The following WDR7 variants were observed in gnomAD, a reference collection of about 807,000 sequenced individuals.
WDR7 encodes the protein WD repeat-containing protein 7.
A neutral mutation model predicts 169.4 loss-of-function variants in WDR7; 46 were observed. The ratio of observed to expected loss-of-function variants is 0.27; its 90% confidence interval spans 0.21 to 0.35. WDR7 has a LOEUF of 0.35. Ranked by LOEUF, WDR7 falls within the 10% of genes least tolerant of loss-of-function variation. The probability of loss-of-function intolerance (pLI) is 1.00; values close to 1 mark genes in which losing one functional copy is unlikely to be tolerated. For missense variants in WDR7, 1,534 were observed against 1,859.3 expected (o/e 0.83, Z 3.22); for synonymous variants, 612 against 666.8 (o/e 0.92, Z 1.27).
chr18:56,872,005 G>T (rs2045959627), intron 20 of WDR7, among the ~76,000 whole-genome samples: 1 of 152,062 alleles, frequency 6.6e-6, no homozygotes, highest in Non-Finnish European at 1.5e-5. Flanking sequence ...AGTTCTGAAA[G>T]TATTCTCGGA....
intron 26 of WDR7, among the ~76,000 whole-genome samples, chr18:56,989,893 C>T (rs1483158888): frequency 6.6e-6 from 1 of 152,136 alleles, no homozygotes; most frequent in East Asian, 1.9e-4. Flanking sequence ...ATTCTTAAAA[C>T]AGTCTTTGGA....
In WDR7 at chr18:56,820,967, G is replaced by T. The variant is rs2045085037; in HGVS notation, c.3304+4823G>T. 2.0e-5 allele frequency among the ~76,000 whole-genome samples: 3 copies of T among 152,170 alleles called. No individual in the cohort carries two copies. The South Asian group carries it at 6.2e-4, about 32-fold the overall frequency. On this transcript the variant is annotated intron_variant, in intron 20 of 27. Coordinates refer to ENST00000254442, the MANE Select transcript of WDR7 (RefSeq NM_015285.3). ...AAAGTCTATATAACTGAATGAAAAT[G>T]AAAAGATGTAGTAATGATGAAAAGT...
chr18:57,005,283 T>C (rs972021310), intron 26 of WDR7, among the ~76,000 whole-genome samples: 1 of 152,146 alleles, frequency 6.6e-6, no homozygotes, highest in African/African-American at 2.4e-5. Context: ...ATAATCTTCC[T>C]TTTTTAAAAA....
chr18:56,731,074 C>G (rs1472549306), intron 13 of WDR7, among the ~76,000 whole-genome samples: 1 of 151,990 alleles, frequency 6.6e-6, no homozygotes, highest in Non-Finnish European at 1.5e-5. Context: ...TGCGATGGGA[C>G]AGGAGTAGTC....
At chr18:56,998,906 T>A (rs538072291) in intron 26 of WDR7, among the ~76,000 whole-genome samples, 1 of 152,304 alleles carries the variant, frequency 6.6e-6, no homozygotes, top group Admixed American at 6.5e-5. Context: ...TTATTCTTGA[T>A]TGTCCCAAGT....
chr18:56,937,583 G>C (rs1046703478), intron 23 of WDR7, among the ~76,000 whole-genome samples: 2 of 152,056 alleles, frequency 1.3e-5, no homozygotes, highest in Non-Finnish European at 2.9e-5. Context: ...GAACTATAAA[G>C]CTTACGATTG....
intron 20 of WDR7, among the ~76,000 whole-genome samples, chr18:56,877,294 A>C (rs563247271): frequency 1.1e-4 from 16 of 152,276 alleles, no homozygotes; most frequent in African/African-American, 3.8e-4. Context: ...GTCAAACTAA[A>C]TAAGGAGCTA....
chr18:56,889,236 G>A (rs762148725), intron 21 of WDR7, among the ~76,000 whole-genome samples: 14 of 152,156 alleles, frequency 9.2e-5, no homozygotes, highest in Admixed American at 4.6e-4. Context: ...ACTAAATTAC[G>A]TGTGTCCCAG....
chr18:56,712,725 C>T (rs117000653), intron 12 of WDR7, among the ~76,000 whole-genome samples: 2,188 of 152,240 alleles, frequency 0.014, 22 homozygotes, highest in Non-Finnish European at 0.025. Flanking sequence ...AGTTCTGTTC[C>T]ATAACAATAC....
chr18:57,029,358 C>T lies in WDR7; in HGVS notation c.*2151C>T, dbSNP rs767769247. 4 of 152,132 alleles carry T rather than the reference C, an allele frequency of 2.6e-5. No individual in the cohort carries two copies. The highest frequency in any genetic ancestry group is 5.9e-5 in the Non-Finnish European group (4 of 68,034). 9.4% of individuals were successfully genotyped at this position (152,132 alleles called of 1,614,324 possible). ...TATGGCTGCAAAACCCTGGGGTGGACGATGTTTGATGATTAGACGGTCATC... is the reference window on the plus strand; with the variant it reads ...TATGGCTGCAAAACCCTGGGGTGGATGATGTTTGATGATTAGACGGTCATC... On this transcript the variant is annotated 3_prime_UTR_variant, in exon 28 of 28. Transcript: ENST00000254442.
At position 56,794,304 on chromosome 18, in the gene WDR7, A is replaced by ATTTTTTTTTTTTTTTTTTTTTTT. The variant is rs566857049; in HGVS notation, c.3190+12649_3190+12671dup. On this transcript the variant is annotated intron_variant, in intron 19 of 27. Coordinates refer to ENST00000254442, the MANE Select transcript of WDR7 (RefSeq NM_015285.3). ...GTTTGTGTCTTAAAAGGTAAAGTCT[A>ATTTTTTTTTTTTTTTTTTTTTTT]TTTTTTTTTTTTTTTTTTTTTTTGA... is the stretch of plus-strand genomic sequence containing the variant. Among the ~76,000 whole-genome samples the ATTTTTTTTTTTTTTTTTTTTTTT allele has an allele frequency of 1.6e-3, 78 of 49,464 alleles. 28 individuals carry two copies. Among genetic ancestry groups the ATTTTTTTTTTTTTTTTTTTTTTT allele is most frequent in the Non-Finnish European group, 2.0e-3 (52 of 26,184 alleles). The allele number at this position is 49,464 out of a possible 152,430, so 32.5% of individuals were successfully genotyped here.
chr18:56,825,011 G>A (rs1037411703), intron 20 of WDR7, among the ~76,000 whole-genome samples: 14 of 152,176 alleles, frequency 9.2e-5, no homozygotes, highest in Non-Finnish European at 1.9e-4. Flanking sequence ...CTTGGCTCTT[G>A]CAGGTTTGGT....
At chr18:56,695,622 C>T (rs2025684386) in intron 11 of WDR7, among the ~76,000 whole-genome samples, 1 of 151,248 alleles carries the variant, frequency 6.6e-6, no homozygotes, top group South Asian at 2.1e-4. Context: ...ACTACAATCT[C>T]TGCCTCCTGA....
chr18:56,875,099 A>G (rs759143497), intron 20 of WDR7, among the ~76,000 whole-genome samples: 1 of 152,204 alleles, frequency 6.6e-6, no homozygotes, highest in Non-Finnish European at 1.5e-5. Context: ...TTTAAAGTGT[A>G]TACTATAAAG....
At chr18:56,754,095 C>T (rs1340759892) in intron 14 of WDR7, among the ~76,000 whole-genome samples, 1 of 151,704 alleles carries the variant, frequency 6.6e-6, no homozygotes, top group East Asian at 1.9e-4. Flanking sequence ...TTTCCAGTCA[C>T]ATATATATGT....
chr18:56,927,438 C>T (rs1052654577), intron 22 of WDR7, among the ~76,000 whole-genome samples: 1 of 152,038 alleles, frequency 6.6e-6, no homozygotes, highest in Non-Finnish European at 1.5e-5. Flanking sequence ...AAGACCCCCC[C>T]ATCTCTAAAA....
intron 27 of WDR7, among the ~76,000 whole-genome samples, chr18:57,025,407 A>G (rs1413128922): frequency 6.6e-6 from 1 of 152,224 alleles, no homozygotes; most frequent in African/African-American, 2.4e-5. Flanking sequence ...GGAACATCCA[A>G]GAAAGCAATA....
intron 21 of WDR7, among the ~76,000 whole-genome samples, chr18:56,898,735 G>A (rs1396849841): frequency 1.3e-5 from 2 of 152,024 alleles, no homozygotes; most frequent in East Asian, 1.9e-4. Flanking sequence ...GATTGAAGAA[G>A]ACTAAAGAGA....
chr18:56,935,674 CTGTT>C (rs371416568), intron 22 of WDR7, 110 bp from the exon 23 acceptor site: 22 of 935,256 alleles, frequency 2.4e-5, no homozygotes, highest in Non-Finnish European at 2.2e-5. Context: ...TATATTCTAA[CTGTT>C]TGAGTGCTCC....
Sources: gnomAD v4.1 joint callset for allele counts (sites outside exome capture counted in the v4.1 genomes callset) on GRCh38, gnomAD v4.1.1 for gene constraint, MANE v1.5 for transcripts, NCBI Gene and HGNC (gene_info 2026-07-23, HGNC 2026-07-21) for gene names.